PTPRT: variants seen among roughly 807,000 people sequenced by gnomAD.
PTPRT encodes the protein receptor-type tyrosine-protein phosphatase T.
In PTPRT, 56 loss-of-function variants were observed where a neutral mutation model predicts 176.8. The observed-to-expected ratio is 0.32, with a 90% CI of 0.26 to 0.40. The LOEUF (loss-of-function observed/expected upper bound fraction) is 0.40. Ranked by LOEUF, PTPRT falls within the 10% of genes least tolerant of loss-of-function variation. PTPRT has a pLI of 1.00. For missense variants in PTPRT, 1,540 were observed against 1,908.2 expected (o/e 0.81, Z 3.60); for synonymous variants, 783 against 739.0 (o/e 1.06, Z -0.96).
intron 9 of PTPRT, among the ~76,000 whole-genome samples, chr20:42,352,915 T>C (rs1379122755): frequency 1.3e-5 from 2 of 152,164 alleles, no homozygotes; most frequent in East Asian, 3.9e-4. Flanking sequence ...TCATTTTGAA[T>C]TTTCTGACAG....
chr20:42,104,973 G>A (rs1047795154), intron 24 of PTPRT, among the ~76,000 whole-genome samples: 1 of 152,130 alleles, frequency 6.6e-6, no homozygotes, highest in African/African-American at 2.4e-5. Flanking sequence ...TTCTAGACAT[G>A]CTGTCAGCAG....
chr20:42,557,366 C>T (rs1473815690), intron 7 of PTPRT, among the ~76,000 whole-genome samples: 2 of 152,090 alleles, frequency 1.3e-5, no homozygotes, highest in African/African-American at 4.8e-5. Context: ...CCTTGCTCTG[C>T]AAAAAGGGCC....
At chr20:42,252,274 C>A (rs955766980) in intron 13 of PTPRT, among the ~76,000 whole-genome samples, 2 of 152,048 alleles carry the variant, frequency 1.3e-5, no homozygotes, top group Non-Finnish European at 2.9e-5. Context: ...TATACTCCAG[C>A]AAAGTATGTA....
chr20:42,853,070 A>G (rs2078503811), intron 2 of PTPRT, among the ~76,000 whole-genome samples: 1 of 152,204 alleles, frequency 6.6e-6, no homozygotes, highest in Non-Finnish European at 1.5e-5. Flanking sequence ...GATAAGAGCA[A>G]AGAAGCTAAA....
chr20:42,672,314 A>G (rs1600584609), intron 7 of PTPRT, among the ~76,000 whole-genome samples: 1 of 152,298 alleles, frequency 6.6e-6, no homozygotes, highest in East Asian at 1.9e-4. Context: ...TCTTTCTCCC[A>G]TATTGGATGC....
intron 1 of PTPRT, among the ~76,000 whole-genome samples, chr20:42,944,950 A>G (rs533740453): frequency 5.9e-5 from 9 of 152,154 alleles, no homozygotes; most frequent in Non-Finnish European, 1.2e-4. Context: ...AACTCACTGT[A>G]TGAATGAATA....
chr20:42,906,659 A>G (rs2079482406), intron 1 of PTPRT, among the ~76,000 whole-genome samples: 1 of 152,152 alleles, frequency 6.6e-6, no homozygotes, highest in African/African-American at 2.4e-5. Context: ...CCTACAGCCT[A>G]CCCATCTGCA....
intron 12 of PTPRT, among the ~76,000 whole-genome samples, chr20:42,314,629 G>T (rs1194843066): frequency 6.6e-6 from 1 of 151,698 alleles, no homozygotes; most frequent in Non-Finnish European, 1.5e-5. Context: ...ACAGGCTAAA[G>T]ATATTTAGCT....
intron 9 of PTPRT, among the ~76,000 whole-genome samples, chr20:42,444,743 G>A (rs868513522): frequency 3.9e-5 from 6 of 152,130 alleles, no homozygotes; most frequent in African/African-American, 1.4e-4. Context: ...CCAAAAGAGG[G>A]TAATTTGTAA....
At chr20:42,334,850 CAAT>C (rs1278870696) in intron 11 of PTPRT, among the ~76,000 whole-genome samples, 1 of 152,134 alleles carries the variant, frequency 6.6e-6, no homozygotes, top group African/African-American at 2.4e-5. Context: ...CTGCAATAGA[CAAT>C]AATGTAAGTG....
intron 2 of PTPRT, among the ~76,000 whole-genome samples, chr20:42,842,658 A>C (rs2078298758): frequency 2.0e-5 from 3 of 152,122 alleles, no homozygotes; most frequent in Admixed American, 6.6e-5. Context: ...GACCTCAAGT[A>C]ATCTGCCCAC....
At chr20:42,323,589 C>T (rs1023743418) in intron 11 of PTPRT, among the ~76,000 whole-genome samples, 2 of 151,680 alleles carry the variant, frequency 1.3e-5, no homozygotes, top group Admixed American at 1.3e-4. Context: ...GGAAGGGGAA[C>T]ATCACACTCT....
intron 16 of PTPRT, among the ~76,000 whole-genome samples, chr20:42,166,518 A>AT (rs903942451): frequency 4.6e-5 from 7 of 152,026 alleles, no homozygotes; most frequent in Admixed American, 1.3e-4. Flanking sequence ...ACTCTCAACT[A>AT]TTTTTTTTAA....
chr20:43,139,053 C>T (rs1475969235), intron 1 of PTPRT, among the ~76,000 whole-genome samples: 1 of 152,192 alleles, frequency 6.6e-6, no homozygotes, highest in Non-Finnish European at 1.5e-5. Context: ...ATGAAGACGC[C>T]CCATGTAACT....
intron 1 of PTPRT, among the ~76,000 whole-genome samples, chr20:43,003,305 G>A (rs6103123): frequency 1.3e-5 from 2 of 152,140 alleles, no homozygotes; most frequent in Non-Finnish European, 2.9e-5. Flanking sequence ...TCCTGCATCA[G>A]GCTCTCAAGT....
In PTPRT at chr20:42,633,818, T is replaced by TATATATATAA. The variant is rs1491342115; in HGVS notation, c.1153+44047_1153+44048insTTATATATAT. ...ATATATATATATATATATATATATA[T>TATATATATAA]AATAAAATATTAATATATTATAATA... On this transcript the variant is annotated intron_variant, in intron 7 of 30. Coordinates refer to ENST00000373187, the MANE Select transcript of PTPRT (RefSeq NM_007050.6). 3.6e-3 allele frequency among the ~76,000 whole-genome samples: 205 copies of TATATATATAA among 57,690 alleles called. 14 individuals carry two copies. The highest frequency in any genetic ancestry group is 0.015 in the African/African-American group (186 of 12,292). The allele number at this position is 57,690 out of a possible 152,430, so 37.8% of individuals were successfully genotyped here. A position where few individuals can be genotyped will look rare whatever the true frequency, so the allele number is the denominator to read the frequency against.
intron 1 of PTPRT, among the ~76,000 whole-genome samples, chr20:43,040,672 G>A (rs1034884903): frequency 2.6e-5 from 4 of 152,204 alleles, no homozygotes; most frequent in Admixed American, 2.6e-4. Context: ...GGACCAAAGA[G>A]GAAGCGCCGG....
intron 7 of PTPRT, among the ~76,000 whole-genome samples, chr20:42,481,777 AACACACAC>A (rs11468323): frequency 2.2e-4 from 32 of 144,568 alleles, no homozygotes; most frequent in East Asian, 1.8e-3. Context: ...TACACACACA[AACACACAC>A]ACACACACAC....
At chr20:42,276,621 T>C (rs1468584239) in intron 13 of PTPRT, among the ~76,000 whole-genome samples, 2 of 141,144 alleles carry the variant, frequency 1.4e-5, no homozygotes, top group African/African-American at 5.2e-5. Flanking sequence ...AAGGGACAGA[T>C]TCGTAGATTT....
Sources: allele counts gnomAD v4.1 joint callset (sites outside exome capture counted in the v4.1 genomes callset), GRCh38; gene constraint gnomAD v4.1.1; transcripts MANE v1.5; gene names NCBI Gene and HGNC (gene_info 2026-07-23, HGNC 2026-07-21).